Variants in PDE7B observed in about 807,000 individuals in gnomAD.
PDE7B encodes 3',5'-cyclic-AMP phosphodiesterase 7B.
In PDE7B, 29 loss-of-function variants were observed where a neutral mutation model predicts 56.2. The observed-to-expected ratio is 0.52, with a 90% CI of 0.38 to 0.70. PDE7B has a LOEUF of 0.70. Ranked by LOEUF, PDE7B falls within the 30% of genes least tolerant of loss-of-function variation. The probability of loss-of-function intolerance (pLI) is 0.00; values close to 1 mark genes in which losing one functional copy is unlikely to be tolerated. For synonymous variants in PDE7B, 197 were observed against 196.9 expected (o/e 1.00, Z 0.00); for missense variants, 490 against 565.0 (o/e 0.87, Z 1.35).
At chr6:136,007,334 G>A (rs1294246002) in intron 2 of PDE7B, among the ~76,000 whole-genome samples, 4 of 152,020 alleles carry the variant, frequency 2.6e-5, no homozygotes, top group Admixed American at 1.3e-4. Context: ...GGATTTTTAC[G>A]TCAGTGTTCA....
At chr6:135,865,116 A>G (rs1332020844) in intron 1 of PDE7B, among the ~76,000 whole-genome samples, 1 of 151,962 alleles carries the variant, frequency 6.6e-6, no homozygotes, top group Non-Finnish European at 1.5e-5. Context: ...ACACCATGGA[A>G]TACTATGCAG....
intron 2 of PDE7B, among the ~76,000 whole-genome samples, chr6:136,024,001 G>A (rs1180384830): frequency 6.6e-6 from 1 of 152,022 alleles, no homozygotes; most frequent in Admixed American, 6.6e-5. Flanking sequence ...AGGTGACAAT[G>A]CCTTACCAAG....
At chr6:135,914,930 T>C (rs1776274877) in intron 1 of PDE7B, among the ~76,000 whole-genome samples, 1 of 151,706 alleles carries the variant, frequency 6.6e-6, no homozygotes, top group Admixed American at 6.6e-5. Flanking sequence ...TCATCTCTAC[T>C]AAAAGTACAA....
At chr6:136,056,377 G>A (rs1057334335) in intron 2 of PDE7B, among the ~76,000 whole-genome samples, 3 of 152,132 alleles carry the variant, frequency 2.0e-5, no homozygotes, top group Admixed American at 6.5e-5. Flanking sequence ...TAAAGGCTTC[G>A]TGGGCCATCT....
At chr6:136,004,819 C>T (rs1775746634) in intron 2 of PDE7B, among the ~76,000 whole-genome samples, 1 of 152,034 alleles carries the variant, frequency 6.6e-6, no homozygotes, top group Admixed American at 6.6e-5. Flanking sequence ...CATCAAGCTA[C>T]CAATGACTTT....
At chr6:136,018,495 C>G (rs1012789671) in intron 2 of PDE7B, among the ~76,000 whole-genome samples, 13 of 152,280 alleles carry the variant, frequency 8.5e-5, no homozygotes, top group African/African-American at 3.1e-4. Context: ...CTGAACCCAA[C>G]TTAGTCAGGA....
chr6:135,879,613 A>G (rs1206120065), intron 1 of PDE7B, among the ~76,000 whole-genome samples: 2 of 152,212 alleles, frequency 1.3e-5, no homozygotes, highest in African/African-American at 2.4e-5. Flanking sequence ...TGTAATGACC[A>G]TAATTTGCTA....
intron 2 of PDE7B, among the ~76,000 whole-genome samples, chr6:136,079,375 C>G (rs931111070): frequency 6.6e-6 from 1 of 152,110 alleles, no homozygotes; most frequent in African/African-American, 2.4e-5. Context: ...TACAGTAGCC[C>G]TAGTCATGTG....
At chr6:136,188,322 T>C (rs1779173142) in intron 12 of PDE7B, among the ~76,000 whole-genome samples, 1 of 151,964 alleles carries the variant, frequency 6.6e-6, no homozygotes, top group Non-Finnish European at 1.5e-5. Flanking sequence ...TCAAACCAAT[T>C]CCTCCACCCC....
rs1194951416 is a variant in PDE7B, at chr6:136,193,203, T to C, written c.*1363T>C. 6.6e-6 allele frequency: 1 copy of C among 152,648 alleles called. No individual in the cohort carries two copies. Among genetic ancestry groups the C allele is most frequent in the East Asian group, 1.9e-4 (1 of 5,198 alleles). The allele number at this position is 152,648 out of a possible 1,614,324, so 9.5% of individuals were successfully genotyped here. A position where few individuals can be genotyped will look rare whatever the true frequency, so the allele number is the denominator to read the frequency against. ...ACCCTGTCATCTAACCATCAGGGAATTCCCTGCTCCCATGCCACACATTTG... is the reference window on the plus strand; with the variant it reads ...ACCCTGTCATCTAACCATCAGGGAACTCCCTGCTCCCATGCCACACATTTG... On this transcript the variant is annotated 3_prime_UTR_variant, in exon 13 of 13. Coordinates refer to ENST00000308191, the MANE Select transcript of PDE7B (RefSeq NM_018945.4).
intron 2 of PDE7B, among the ~76,000 whole-genome samples, chr6:136,051,715 C>T (rs1776632013): frequency 2.6e-5 from 4 of 152,204 alleles, no homozygotes; most frequent in African/African-American, 9.7e-5. Flanking sequence ...GGCAACTCAT[C>T]TACGGCCATG....
At chr6:136,150,037 A>G (rs571693303) in intron 5 of PDE7B, among the ~76,000 whole-genome samples, 1 of 152,350 alleles carries the variant, frequency 6.6e-6, no homozygotes, top group South Asian at 2.1e-4. Context: ...TGTGAACAAA[A>G]GAACTTGTTC....
intron 8 of PDE7B, among the ~76,000 whole-genome samples, chr6:136,169,713 G>A (rs1344925648): frequency 6.6e-6 from 1 of 152,150 alleles, no homozygotes; most frequent in East Asian, 1.9e-4. Flanking sequence ...TTGAACATCT[G>A]TTACATCACA....
intron 3 of PDE7B, among the ~76,000 whole-genome samples, chr6:136,121,468 G>A (rs2209331): frequency 0.48 from 72,961 of 151,978 alleles, 19,503 homozygotes; most frequent in African/African-American, 0.74. Flanking sequence ...AGCTAAAAAT[G>A]TATTTTTAGA....
rs869049424 is a variant in PDE7B at position 135,906,810 on chromosome 6, G to GTTTTTTTTT, written c.22-40636_22-40628dup. ...TTTGACTCAAATGTTAATGAGGTTT[G>GTTTTTTTTT]TTTTTTTTTTTTTTTTTTTTTTTTT... On this transcript the variant is annotated intron_variant, in intron 1 of 12. Coordinates refer to ENST00000308191, the MANE Select transcript of PDE7B (RefSeq NM_018945.4). Among the ~76,000 whole-genome samples, 52 of 59,538 alleles carry GTTTTTTTTT rather than the reference G, an allele frequency of 8.7e-4. 11 individuals are homozygous for GTTTTTTTTT. Among genetic ancestry groups the GTTTTTTTTT allele is most frequent in the East Asian group, 7.0e-3 (13 of 1,856 alleles). 39.1% of individuals were successfully genotyped at this position (59,538 alleles called of 152,430 possible).
At chr6:136,100,765 C>A (rs1777547806) in intron 2 of PDE7B, among the ~76,000 whole-genome samples, 5 of 152,208 alleles carry the variant, frequency 3.3e-5, no homozygotes, top group Admixed American at 3.3e-4. Flanking sequence ...TTATTTCTTT[C>A]TCTTGCCTGA....
In PDE7B at chr6:135,934,811, T is replaced by G. The variant is rs867165630; in HGVS notation, c.22-12653T>G. On this transcript the variant is annotated intron_variant, in intron 1 of 12. Transcript: ENST00000308191. ...ATATATTTTAAATATATATATTTAT[T>G]ATATATATATTTAATAAATAAATAT... 1.7e-3 allele frequency among the ~76,000 whole-genome samples: 181 copies of G among 108,014 alleles called. 1 individual carries two copies. The highest frequency in any genetic ancestry group is 6.8e-3 in the African/African-American group (164 of 24,260). The allele number at this position is 108,014 out of a possible 152,430, so 70.9% of individuals were successfully genotyped here.
rs1779300604 is a variant in PDE7B at position 136,195,468 on chromosome 6, A to AAAAAAAAAAAAAC, written c.*3637_*3638insAAACAAAAAAAAA. On this transcript the variant is annotated 3_prime_UTR_variant, in exon 13 of 13. Coordinates refer to ENST00000308191, the MANE Select transcript of PDE7B (RefSeq NM_018945.4). ...CATGTGAGGTTTGAAAAAAAAAAAAAAAAAAAAAAGAACTACCTTGTGAGT... is the reference window on the plus strand; with the variant it reads ...CATGTGAGGTTTGAAAAAAAAAAAAAAAAAAAAAAAAACAAAAAAAAAGAACTACCTTGTGAGT... 1 of 151,796 alleles carries AAAAAAAAAAAAAC rather than the reference A, an allele frequency of 6.6e-6. No homozygotes were observed. Among genetic ancestry groups the AAAAAAAAAAAAAC allele is most frequent in the African/African-American group, 2.4e-5 (1 of 41,364 alleles). 9.4% of individuals were successfully genotyped at this position (151,796 alleles called of 1,614,324 possible).
At chr6:135,896,464 T>C (rs1775903532) in intron 1 of PDE7B, among the ~76,000 whole-genome samples, 1 of 152,172 alleles carries the variant, frequency 6.6e-6, no homozygotes, top group Admixed American at 6.6e-5. Context: ...TGATCTATTT[T>C]TCTGCACCCG....
Sources: allele counts gnomAD v4.1 joint callset (sites outside exome capture counted in the v4.1 genomes callset), GRCh38; gene constraint gnomAD v4.1.1; transcripts MANE v1.5; gene names NCBI Gene and HGNC (gene_info 2026-07-23, HGNC 2026-07-21).